The following CSNK1G3 variants were observed in gnomAD, a reference collection of about 807,000 sequenced individuals.
CSNK1G3 encodes the protein casein kinase I isoform gamma-3.
In CSNK1G3, 23 loss-of-function variants were observed where a neutral mutation model predicts 64.3. That is an observed-to-expected ratio of 0.36 (90% CI 0.26 to 0.51). CSNK1G3 has a LOEUF of 0.51. CSNK1G3 is among the 20% of genes least tolerant of loss of function. CSNK1G3 has a pLI of 0.96. For synonymous variants in CSNK1G3, 158 were observed against 162.2 expected (o/e 0.97, Z 0.20); for missense variants, 357 against 510.5 (o/e 0.70, Z 2.90).
intron 1 of CSNK1G3, among the ~76,000 whole-genome samples, chr5:123,525,997 CAAAA>C (rs775868312): frequency 1.8e-5 from 1 of 56,458 alleles, no homozygotes; most frequent in Non-Finnish European, 3.7e-5. Context: ...GACTCCGTCT[CAAAA>C]AAAAAAAAAA....
intron 10 of CSNK1G3, among the ~76,000 whole-genome samples, chr5:123,599,948 A>G (rs1184369649): frequency 2.0e-5 from 3 of 152,088 alleles, no homozygotes; most frequent in South Asian, 2.1e-4. Context: ...TTAATTGAAA[A>G]TCCATTTTGG....
intron 6 of CSNK1G3, among the ~76,000 whole-genome samples, chr5:123,582,731 A>C (rs1269261888): frequency 6.6e-6 from 1 of 152,258 alleles, no homozygotes; most frequent in Non-Finnish European, 1.5e-5. Context: ...AAAAATGTGA[A>C]CAGGCTTTAA....
intron 4 of CSNK1G3, among the ~76,000 whole-genome samples, chr5:123,568,839 C>T (rs1029576230): frequency 6.6e-6 from 1 of 152,156 alleles, no homozygotes; most frequent in Non-Finnish European, 1.5e-5. Context: ...AAGAAAATCA[C>T]TCAAATTTGC....
chr5:123,605,683 A>G (rs773739551), intron 12 of CSNK1G3, among the ~76,000 whole-genome samples: 6 of 152,094 alleles, frequency 3.9e-5, no homozygotes, highest in Non-Finnish European at 8.8e-5. Flanking sequence ...TTTAAATAGA[A>G]AGATAGATTT....
intron 2 of CSNK1G3, among the ~76,000 whole-genome samples, chr5:123,551,416 G>T (rs1181686721): frequency 1.3e-5 from 2 of 152,148 alleles, no homozygotes; most frequent in Non-Finnish European, 2.9e-5. Context: ...TATATGAATA[G>T]AGCTTAAAGT....
At chr5:123,591,390 T>A in exon 10 of CSNK1G3, 1 of 1,609,204 alleles carries the variant, frequency 6.2e-7, no homozygotes, top group Non-Finnish European at 8.5e-7. Context: ...AACACAGAGA[T>A]AAGATGCAAC....
At chr5:123,567,320 G>C (rs1787107970) in intron 4 of CSNK1G3, among the ~76,000 whole-genome samples, 1 of 152,158 alleles carries the variant, frequency 6.6e-6, no homozygotes, top group African/African-American at 2.4e-5. Flanking sequence ...TTATTTTAAG[G>C]CCAGGCGTGG....
At chr5:123,602,734 C>T (rs1025664647) in intron 10 of CSNK1G3, among the ~76,000 whole-genome samples, 2 of 152,076 alleles carry the variant, frequency 1.3e-5, no homozygotes, top group African/African-American at 4.8e-5. Flanking sequence ...CCAAACTTGG[C>T]TTAGCAAACT....
At chr5:123,581,004 A>G (rs76254108) in intron 6 of CSNK1G3, among the ~76,000 whole-genome samples, 1,825 of 152,004 alleles carry the variant, frequency 0.012, 43 homozygotes, top group African/African-American at 0.04. Flanking sequence ...TTTCTGTGCT[A>G]TCATTCTGTG....
At chr5:123,580,907 A>G (rs899714029) in intron 6 of CSNK1G3, among the ~76,000 whole-genome samples, 4 of 151,888 alleles carry the variant, frequency 2.6e-5, no homozygotes, top group Admixed American at 2.0e-4. Context: ...GTGTTAATAG[A>G]AGAATGATGT....
chr5:123,524,398 C>T (rs1162963297), intron 1 of CSNK1G3, among the ~76,000 whole-genome samples: 1 of 152,228 alleles, frequency 6.6e-6, no homozygotes, highest in Non-Finnish European at 1.5e-5. Context: ...ATGATAACTT[C>T]ATGCCAAAGC....
chr5:123,580,848 A>G (rs533697503), intron 6 of CSNK1G3, among the ~76,000 whole-genome samples: 2 of 152,032 alleles, frequency 1.3e-5, no homozygotes, highest in South Asian at 2.1e-4. Context: ...TGATTATTCA[A>G]GAATAAAAAA....
intron 3 of CSNK1G3, 53 bp from the exon 4 acceptor site, chr5:123,557,442 C>T (rs1457144219): frequency 1.0e-5 from 14 of 1,333,538 alleles, no homozygotes; most frequent in Non-Finnish European, 1.5e-5. Flanking sequence ...TGTGTTGGGA[C>T]CTAGTGCTCT....
chr5:123,554,349 A>G (rs984316809), intron 3 of CSNK1G3, among the ~76,000 whole-genome samples: 1 of 152,196 alleles, frequency 6.6e-6, no homozygotes, highest in Admixed American at 6.5e-5. Flanking sequence ...TTAGAGGTGG[A>G]TTCACAGTAA....
intron 6 of CSNK1G3, among the ~76,000 whole-genome samples, chr5:123,580,339 A>G (rs1018898514): frequency 6.6e-6 from 1 of 151,982 alleles, no homozygotes; most frequent in African/African-American, 2.4e-5. Context: ...GACTGACACT[A>G]TCTTAGACTT....
intron 10 of CSNK1G3, among the ~76,000 whole-genome samples, chr5:123,599,786 ATAAT>A (rs1368874069): frequency 6.6e-6 from 1 of 152,122 alleles, no homozygotes; most frequent in South Asian, 2.1e-4. Context: ...TATTACATAA[ATAAT>A]TTATAGTTCA....
chr5:123,576,040 T>C (rs1789087647), intron 6 of CSNK1G3, 77 bp downstream of exon 6: 2 of 929,224 alleles, frequency 2.2e-6, no homozygotes, highest in Non-Finnish European at 3.3e-6. Flanking sequence ...TTTGTTATGG[T>C]TCAGTTTTTG....
intron 1 of CSNK1G3, among the ~76,000 whole-genome samples, chr5:123,529,207 A>AT (rs1247428953): frequency 6.6e-6 from 1 of 152,238 alleles, no homozygotes; most frequent in Non-Finnish European, 1.5e-5. Flanking sequence ...TGTGTATTAA[A>AT]TAAGGTGTCT....
At chr5:123,513,394 G>T (rs1340526803) in intron 1 of CSNK1G3, among the ~76,000 whole-genome samples, 1 of 152,056 alleles carries the variant, frequency 6.6e-6, no homozygotes, top group Non-Finnish European at 1.5e-5. Flanking sequence ...CATGTTTTAG[G>T]GAGGAAAAGT....
Sources: allele counts gnomAD v4.1 joint callset (sites outside exome capture counted in the v4.1 genomes callset), GRCh38; gene constraint gnomAD v4.1.1; transcripts MANE v1.5; gene names NCBI Gene and HGNC (gene_info 2026-07-23, HGNC 2026-07-21).